Variants in RNF220 observed in about 807,000 individuals in gnomAD.
RNF220 encodes ring finger protein 220, also known as E3 ubiquitin-protein ligase RNF220.
A neutral mutation model predicts 67.1 loss-of-function variants in RNF220; 7 were observed. The ratio of observed to expected loss-of-function variants is 0.10; its 90% CI spans 0.06 to 0.20. The LOEUF (loss-of-function observed/expected upper bound fraction) is 0.20. RNF220 is among the 10% of genes least tolerant of loss of function. The probability of loss-of-function intolerance (pLI) is 1.00; values close to 1 mark genes in which losing one functional copy is unlikely to be tolerated. For missense variants in RNF220, 565 were observed against 740.3 expected (o/e 0.76, Z 2.75); for synonymous variants, 270 against 283.2 (o/e 0.95, Z 0.47).
chr1:44,537,316 C>T (rs1661312296), intron 2 of RNF220, among the ~76,000 whole-genome samples: 1 of 152,156 alleles, frequency 6.6e-6, no homozygotes, highest in Non-Finnish European at 1.5e-5. Context: ...CTTCTGGAAG[C>T]CATAGTTCCA....
intron 2 of RNF220, among the ~76,000 whole-genome samples, chr1:44,545,806 G>C (rs918049613): frequency 6.6e-6 from 1 of 151,234 alleles, no homozygotes; most frequent in Non-Finnish European, 1.5e-5. Flanking sequence ...GCCCAGGCTG[G>C]AGTGCAATGG....
rs1643777520 is a variant in RNF220, at chr1:44,621,116, A to C, written c.759-1626A>C. ...TTTTTAGTAGAGACGGGGTTTCACCATGTTGGCCAGGCTGGTCTCGAACTC... is the reference window on the plus strand; with the variant it reads ...TTTTTAGTAGAGACGGGGTTTCACCCTGTTGGCCAGGCTGGTCTCGAACTC... On this transcript the variant is annotated intron_variant, in intron 3 of 14. Transcript: ENST00000361799. The surrounding 1 kb of genome is among the most constrained non-coding windows in gnomAD (Gnocchi z 4.8). 6.6e-6 allele frequency among the ~76,000 whole-genome samples: 1 copy of C among 152,084 alleles called. No individual in the cohort carries two copies. The highest frequency in any genetic ancestry group is 6.5e-5 in the Admixed American group (1 of 15,280).
chr1:44,558,402 T>C (rs193035247), intron 2 of RNF220, among the ~76,000 whole-genome samples: 1,400 of 135,114 alleles, frequency 0.01, 20 homozygotes, highest in African/African-American at 0.034. Flanking sequence ...CTGCTCCCTG[T>C]CTAATTCAAT....
At chr1:44,610,727 G>A (rs1643260167) in intron 2 of RNF220, among the ~76,000 whole-genome samples, 1 of 152,150 alleles carries the variant, frequency 6.6e-6, no homozygotes, top group South Asian at 2.1e-4. Context: ...CATCCAATGG[G>A]CAGCTGAACT....
At chr1:44,522,596 A>G (rs762218961) in intron 2 of RNF220, among the ~76,000 whole-genome samples, 4 of 151,962 alleles carry the variant, frequency 2.6e-5, no homozygotes, top group African/African-American at 4.8e-5. Flanking sequence ...GGCTCTATGC[A>G]TGGACAGAGA....
Position 44,599,844 on chromosome 1 carries a change from T to C in RNF220, c.626-14321T>C, listed in dbSNP as rs60433996. 7.2e-3 allele frequency among the ~76,000 whole-genome samples: 1,090 copies of C among 152,268 alleles called. 16 individuals carry two copies. Among genetic ancestry groups the C allele is most frequent in the African/African-American group, 0.025 (1,019 of 41,548 alleles). The stretch of plus-strand genomic sequence containing the variant: ...ATGATAAAGAGTTCAGAATGTATGC[T>C]GTGGCTTTAGGAACCAGGGAAGGAT... On this transcript the variant is annotated intron_variant, in intron 2 of 14. Transcript: ENST00000361799.
intron 2 of RNF220, among the ~76,000 whole-genome samples, chr1:44,488,353 T>A (rs551515156): frequency 1.3e-5 from 2 of 152,150 alleles, no homozygotes; most frequent in Admixed American, 6.5e-5. Flanking sequence ...GGTCTCGAAC[T>A]CCTTACCTCA....
intron 2 of RNF220, among the ~76,000 whole-genome samples, chr1:44,508,484 C>T (rs556273010): frequency 3.3e-5 from 5 of 152,308 alleles, no homozygotes; most frequent in African/African-American, 9.6e-5. Context: ...TCTTAGTTTC[C>T]GCTCTTGGGC....
chr1:44,620,777 C>T (rs907459985), intron 3 of RNF220, among the ~76,000 whole-genome samples: 2 of 152,058 alleles, frequency 1.3e-5, no homozygotes, highest in Non-Finnish European at 2.9e-5. Context: ...GTGTGTTGTG[C>T]ATCTGTGTCT....
intron 2 of RNF220, among the ~76,000 whole-genome samples, chr1:44,458,615 A>C (rs926501270): frequency 3.3e-5 from 5 of 152,256 alleles, no homozygotes; most frequent in African/African-American, 1.2e-4. Context: ...TAGCATTTAA[A>C]AAAGAGATTT....
At chr1:44,507,105 G>C (rs938222747) in intron 2 of RNF220, among the ~76,000 whole-genome samples, 1 of 152,140 alleles carries the variant, frequency 6.6e-6, no homozygotes, top group Non-Finnish European at 1.5e-5. Flanking sequence ...CAGTGTTGCT[G>C]TCCTCCATGG....
chr1:44,462,708 A>C (rs187775203), intron 2 of RNF220, among the ~76,000 whole-genome samples: 10 of 152,356 alleles, frequency 6.6e-5, no homozygotes, highest in African/African-American at 2.4e-4. Context: ...AATTGTTCAC[A>C]TGAAGAGTCA....
chr1:44,584,394 T>C (rs1222477133), intron 2 of RNF220, among the ~76,000 whole-genome samples: 1 of 152,212 alleles, frequency 6.6e-6, no homozygotes, highest in African/African-American at 2.4e-5. Flanking sequence ...CCAAAGCAAG[T>C]CGTAAATTCA....
chr1:44,637,976 G>C (rs1001100388), intron 8 of RNF220, among the ~76,000 whole-genome samples: 10 of 152,262 alleles, frequency 6.6e-5, no homozygotes, highest in African/African-American at 2.4e-4. Flanking sequence ...CTGTTTTACA[G>C]CGAGATCAGC....
Position 44,431,637 on chromosome 1 carries a change from T to C in RNF220, c.625+18915T>C, listed in dbSNP as rs755716708. On this transcript the variant is annotated intron_variant, in intron 2 of 14. Transcript: ENST00000361799. Reference sequence around the variant, plus strand: ...CTGTTTGTGGCTATATCTATGAAACTTTTTCTCCACTTAAGTTGGCGCTAG... The same window carrying C: ...CTGTTTGTGGCTATATCTATGAAACCTTTTCTCCACTTAAGTTGGCGCTAG... Among the ~76,000 whole-genome samples, 23 of 152,274 alleles carry C rather than the reference T, an allele frequency of 1.5e-4. 1 individual carries two copies. The highest frequency in any genetic ancestry group is 4.8e-4 in the African/African-American group (20 of 41,570).
At chr1:44,571,795 A>G (rs1664465158) in intron 2 of RNF220, among the ~76,000 whole-genome samples, 1 of 152,224 alleles carries the variant, frequency 6.6e-6, no homozygotes, top group African/African-American at 2.4e-5. Flanking sequence ...CCAAAATGGA[A>G]CATACCATTT....
chr1:44,618,201 T>G (rs1220663595), intron 3 of RNF220, among the ~76,000 whole-genome samples: 1 of 152,072 alleles, frequency 6.6e-6, no homozygotes, highest in Non-Finnish European at 1.5e-5. Flanking sequence ...ACTCACGGGC[T>G]CACAGAGAGA....
At chr1:44,425,880 A>G (rs1224120905) in intron 2 of RNF220, among the ~76,000 whole-genome samples, 1 of 152,186 alleles carries the variant, frequency 6.6e-6, no homozygotes, top group Non-Finnish European at 1.5e-5. Flanking sequence ...GAAATGCCTG[A>G]GTGTTCAACC....
At chr1:44,612,540 G>A (rs1428444192) in intron 2 of RNF220, among the ~76,000 whole-genome samples, 3 of 152,150 alleles carry the variant, frequency 2.0e-5, no homozygotes, top group South Asian at 2.1e-4. Context: ...CAAGGGAGCC[G>A]TAATCATCCT....
Sources: allele counts gnomAD v4.1 joint callset (sites outside exome capture counted in the v4.1 genomes callset), GRCh38; gene constraint gnomAD v4.1.1; non-coding constraint Gnocchi (gnomAD v3.1); transcripts MANE v1.5; gene names NCBI Gene and HGNC (gene_info 2026-07-23, HGNC 2026-07-21).